The following PGLYRP1 variants were observed in gnomAD, a reference collection of about 807,000 sequenced individuals.
PGLYRP1 encodes the protein TNF superfamily, member 3 (LTB)-like (peptidoglycan recognition protein).
In PGLYRP1, 18 loss-of-function variants were observed where a neutral mutation model predicts 16.3. The ratio of observed to expected loss-of-function variants is 1.11; its 90% CI spans 0.77 to 1.64. PGLYRP1 has a LOEUF of 1.64. Ranked by LOEUF, PGLYRP1 falls within the 40% of genes most tolerant of loss-of-function variation. The pLI is 0.00. For missense variants in PGLYRP1, 261 were observed against 268.6 expected (o/e 0.97, Z 0.20); for synonymous variants, 89 against 105.7 (o/e 0.84, Z 0.97).
At position 46,019,707 on chromosome 19, in the gene PGLYRP1, C is replaced by G; in HGVS notation, c.288-60G>C. 1 of 1,551,008 alleles carries G rather than the reference C, an allele frequency of 6.4e-7. No individual in the cohort carries two copies. On this transcript the variant is annotated intron_variant, in intron 1 of 2. Transcript: ENST00000008938. This position sits in a 1 kb window ranked among gnomAD's most constrained non-coding sequence, Gnocchi z 4.8. ...GGAGGGTTTCCCGAGGAGGACTCCT[C>G]CTCCTTCCTCCACTCACCCTGCCTC...
chr19:46,020,663 T>C (rs1390572697), intron 1 of PGLYRP1, among the ~76,000 whole-genome samples: 1 of 152,176 alleles, frequency 6.6e-6, no homozygotes. Context: ...TCCTTAAGGC[T>C]GATTCATTCA....
Position 46,019,662 on chromosome 19 carries a change from G to C in PGLYRP1, c.288-15C>G, listed in dbSNP as rs200529318. ...CAATCAGGAAGCTGCATGGGGAGGT[G>C]GGGGGGCTTGATGAGTGAGGGAGGG... On this transcript the variant is annotated splice_polypyrimidine_tract_variant and intron_variant, in intron 1 of 2. Transcript: ENST00000008938. This position sits in a 1 kb window ranked among gnomAD's most constrained non-coding sequence, Gnocchi z 4.8. 1.1e-3 allele frequency: 1,845 copies of C among 1,609,252 alleles called. 3 individuals carry two copies. The highest frequency in any genetic ancestry group is 1.5e-3 in the Non-Finnish European group (1,739 of 1,178,796).
intron 1 of PGLYRP1, among the ~76,000 whole-genome samples, chr19:46,021,693 C>T (rs1225509084): frequency 6.6e-6 from 1 of 152,194 alleles, no homozygotes; most frequent in Non-Finnish European, 1.5e-5. Flanking sequence ...TACACTAGCC[C>T]TGGTCCCTGC....
intron 1 of PGLYRP1, among the ~76,000 whole-genome samples, chr19:46,022,202 G>A (rs986160978): frequency 1.3e-5 from 2 of 152,190 alleles, no homozygotes; most frequent in Non-Finnish European, 2.9e-5. Context: ...GTGGCTTTGC[G>A]GGCCCCCGTG....
Position 46,022,978 on chromosome 19 carries a change from A to G in PGLYRP1, c.44T>C (p.Leu15Pro). ...CTCCTGAGCCGCTCCGAGTCGAAGGAGGCTGGGGAGAGCCCAGGCAAGCAG... is the reference window on the plus strand; with the variant it reads ...CTCCTGAGCCGCTCCGAGTCGAAGGGGGCTGGGGAGAGCCCAGGCAAGCAG... ...SMLLAWALPS[L>P]LRLGAAQETE... Residue 15 changes from leucine to proline, a missense_variant, in exon 1 of 3, where the codon CTC (leucine) becomes CCC (proline). Transcript: ENST00000008938. 1 of 1,598,450 alleles carries G rather than the reference A, an allele frequency of 6.3e-7. No individual in the cohort carries two copies. The highest frequency in any genetic ancestry group is 8.5e-7 in the Non-Finnish European group (1 of 1,172,180).
At position 46,019,231 on chromosome 19, in the gene PGLYRP1, C is replaced by T. The variant is rs1969015927; in HGVS notation, c.*7G>A. 6.2e-7 allele frequency: 1 copy of T among 1,612,942 alleles called. No homozygotes were observed. The highest frequency in any genetic ancestry group is 1.7e-4 in the Middle Eastern group (1 of 6,056). On this transcript the variant is annotated 3_prime_UTR_variant, in exon 3 of 3. Coordinates refer to ENST00000008938, the MANE Select transcript of PGLYRP1 (RefSeq NM_005091.3). The surrounding 1 kb of genome is among the most constrained non-coding windows in gnomAD (Gnocchi z 4.8). ...AGGGGAGGAATGGGGTGCGGATCAG[C>T]AGGGCCTCAGGGGGAGCGGTAGTGT...
rs1163693702 is a variant in PGLYRP1 at position 46,019,606 on chromosome 19, C to T, written c.329G>A (p.Gly110Asp). The stretch of plus-strand genomic sequence containing the variant: ...TGAGTGGGCACCCGTGAAGTTCCAG[C>T]CACGGCCCTCGTATACGAGCCCGTC... ...GEDGLVYEGRGWNFTGAHSGH... is the reference protein window; with the variant it reads ...GEDGLVYEGRDWNFTGAHSGH... Residue 110 changes from glycine to aspartate, a missense_variant, in exon 2 of 3, where the codon GGC becomes GAC. Physicochemically the swap from Gly to Asp is moderately conservative, Grantham distance 94. Coordinates refer to ENST00000008938, the MANE Select transcript of PGLYRP1 (RefSeq NM_005091.3). This position sits in a 1 kb window ranked among gnomAD's most constrained non-coding sequence, Gnocchi z 4.8. 6 of 1,613,978 alleles carry T rather than the reference C, an allele frequency of 3.7e-6. No homozygotes were observed. The highest frequency in any genetic ancestry group is 5.1e-6 in the Non-Finnish European group (6 of 1,179,974).
chr19:46,020,500 G>C lies in PGLYRP1; in HGVS notation c.288-853C>G, dbSNP rs563904953. ...TTGTACAAGCTACTCAGAGCCCCCT[G>C]CCTCTCAGAACTCTGCCTTTGCCCC... is the stretch of plus-strand genomic sequence containing the variant. On this transcript the variant is annotated intron_variant, in intron 1 of 2. Transcript: ENST00000008938. Among the ~76,000 whole-genome samples the C allele has an allele frequency of 2.3e-3, 355 of 152,234 alleles. 1 individual carries two copies. Among genetic ancestry groups the C allele is most frequent in the Non-Finnish European group, 4.5e-3 (308 of 68,004 alleles).
At chr19:46,020,384 A>G (rs891640389) in intron 1 of PGLYRP1, among the ~76,000 whole-genome samples, 1 of 152,150 alleles carries the variant, frequency 6.6e-6, no homozygotes, top group African/African-American at 2.4e-5. Context: ...TGCTGGGATT[A>G]CAAGCATGAG....
chr19:46,019,409 G>C lies in PGLYRP1; in HGVS notation c.420C>G (p.Pro140=). The part of the protein sequence containing the change: ...SFMGNYMDRV[P]TPQAIRAAQG... Reference sequence around the variant, plus strand: ...GGGCTGCCCGGATGGCCTGGGGTGTGGGCACCCGATCTGGAGGAGGCAGAG... The same window carrying C: ...GGGCTGCCCGGATGGCCTGGGGTGTCGGCACCCGATCTGGAGGAGGCAGAG... The change falls in exon 3 of 3, where the codon CCC becomes CCG. Residue 140 remains proline, a synonymous_variant. Transcript: ENST00000008938. The surrounding 1 kb of genome is among the most constrained non-coding windows in gnomAD (Gnocchi z 4.8). 6.2e-7 allele frequency: 1 copy of C among 1,613,430 alleles called. No individual in the cohort carries two copies. The highest frequency in any genetic ancestry group is 8.5e-7 in the Non-Finnish European group (1 of 1,179,872).
chr19:46,019,525 C>T lies in PGLYRP1; in HGVS notation c.409+1G>A. 6.2e-7 allele frequency: 1 copy of T among 1,613,974 alleles called. No individual in the cohort carries two copies. ...TCCCAACTGGCTGGACAGTCACTCA[C>T]CCATGTAGTTGCCCATGAAGCTGAT... is the stretch of plus-strand genomic sequence containing the variant. On this transcript the variant is annotated splice_donor_variant, in intron 2 of 2. Transcript: ENST00000008938. LOFTEE classifies it high-confidence loss of function. The surrounding 1 kb of genome is among the most constrained non-coding windows in gnomAD (Gnocchi z 4.8).
intron 1 of PGLYRP1, among the ~76,000 whole-genome samples, chr19:46,022,322 C>G (rs551865962): frequency 2.0e-5 from 3 of 152,336 alleles, no homozygotes; most frequent in African/African-American, 7.2e-5. Context: ...AGGACCCGCC[C>G]CAGGCCTCAG....
intron 1 of PGLYRP1, 132 bp downstream of exon 1, chr19:46,022,603 G>C: frequency 1.0e-6 from 1 of 990,736 alleles, no homozygotes; most frequent in East Asian, 2.6e-5. Context: ...ACCTTGTGAG[G>C]TTCAGTAAGC....
chr19:46,021,203 G>C (rs1312429010), intron 1 of PGLYRP1: 1 of 152,252 alleles, frequency 6.6e-6, no homozygotes, highest in African/African-American at 2.4e-5. Context: ...TGTATGTGGT[G>C]ATGTGGACCC....
At chr19:46,022,209 C>T (rs910227835) in intron 1 of PGLYRP1, among the ~76,000 whole-genome samples, 15 of 152,232 alleles carry the variant, frequency 9.9e-5, no homozygotes, top group Admixed American at 4.6e-4. Flanking sequence ...TGCGGGCCCC[C>T]GTGTGCCAGG....
rs754895161 is a variant in PGLYRP1, at chr19:46,019,617, G to A, written c.318C>T (p.Tyr106=). Residue 106 remains tyrosine, a synonymous_variant, in exon 2 of 3, where the codon TAC becomes TAT. Coordinates refer to ENST00000008938, the MANE Select transcript of PGLYRP1 (RefSeq NM_005091.3). The surrounding 1 kb of genome is among the most constrained non-coding windows in gnomAD (Gnocchi z 4.8). ...CCGTGAAGTTCCAGCCACGGCCCTC[G>A]TATACGAGCCCGTCTTCTCCAATCA... ...NFLIGEDGLV[Y]EGRGWNFTGA... is the part of the protein sequence containing the mutation. 55 of 1,613,716 alleles carry A rather than the reference G, an allele frequency of 3.4e-5. No homozygotes were observed. The East Asian group carries it at 1.2e-3, about 34-fold the overall frequency.
At chr19:46,022,535 C>G (rs892511698) in intron 1 of PGLYRP1, among the ~76,000 whole-genome samples, 200 bp downstream of exon 1, 1 of 152,262 alleles carries the variant, frequency 6.6e-6, no homozygotes, top group Non-Finnish European at 1.5e-5. Flanking sequence ...CCCCTTCTCA[C>G]GCATCTTTGT....
chr19:46,022,686 T>A, intron 1 of PGLYRP1, 49 bp downstream of exon 1: 3 of 1,606,748 alleles, frequency 1.9e-6, no homozygotes, highest in Non-Finnish European at 2.6e-6. Flanking sequence ...CTTGCACACC[T>A]TTGCCTCTGG....
Position 46,019,794 on chromosome 19 carries a change from T to C in PGLYRP1, c.288-147A>G, listed in dbSNP as rs1330303390. The stretch of plus-strand genomic sequence containing the variant: ...CTTCTCACCCGTTAATTTCCCACGA[T>C]AGTAACAATGACTGTGGTCATTTAT... On this transcript the variant is annotated intron_variant, in intron 1 of 2. Coordinates refer to ENST00000008938, the MANE Select transcript of PGLYRP1 (RefSeq NM_005091.3). The surrounding 1 kb of genome is among the most constrained non-coding windows in gnomAD (Gnocchi z 4.8). The C allele has an allele frequency of 6.0e-6, 5 of 836,804 alleles. No individual in the cohort carries two copies. In the South Asian group the frequency reaches 8.8e-5, roughly 15 times the overall value. 51.8% of individuals were successfully genotyped at this position (836,804 alleles called of 1,614,324 possible).
Sources: gnomAD v4.1 joint callset for allele counts (sites outside exome capture counted in the v4.1 genomes callset) on GRCh38, gnomAD v4.1.1 for gene constraint, Gnocchi (gnomAD v3.1) non-coding constraint, MANE v1.5 for transcripts, NCBI Gene and HGNC (gene_info 2026-07-23, HGNC 2026-07-21) for gene names.